The following ENPP1 variants were observed in gnomAD, a reference collection of about 807,000 sequenced individuals.
ENPP1 encodes ectonucleotide pyrophosphatase/phosphodiesterase 1.
ENPP1 carries 73 observed loss-of-function variants against 122.8 expected under a neutral mutation model. The ratio of observed to expected loss-of-function variants is 0.59; its 90% confidence interval spans 0.49 to 0.72. ENPP1 has a LOEUF of 0.72. Among genes scored for constraint, ENPP1 ranks in the 30% least tolerant of loss-of-function variants. ENPP1 has a pLI of 0.00. For synonymous variants in ENPP1, 367 were observed against 391.6 expected, an observed-to-expected ratio of 0.94 and a Z score of 0.74; for missense variants, 978 against 1,128.1, an observed-to-expected ratio of 0.87 and a Z score of 1.91.
At chr6:131,808,480 A>G (rs1781309965) in intron 1 of ENPP1, among the ~76,000 whole-genome samples, 1 of 152,164 alleles carries the variant, frequency 6.6e-6, no homozygotes, top group Non-Finnish European at 1.5e-5. Flanking sequence ...CCAGGGCAGG[A>G]TGGTTCACTC....
chr6:131,870,655 AT>A (rs1458358313), intron 13 of ENPP1, among the ~76,000 whole-genome samples: 1 of 152,232 alleles, frequency 6.6e-6, no homozygotes, highest in Admixed American at 6.5e-5. Flanking sequence ...CTGCAGGAAA[AT>A]GGTTATGCAG....
At chr6:131,845,741 GTTTTTGATAGATATT>G (rs1194164669) in intron 1 of ENPP1, among the ~76,000 whole-genome samples, 2 of 152,066 alleles carry the variant, frequency 1.3e-5, no homozygotes, top group East Asian at 3.9e-4. Flanking sequence ...CGTTTGTGAT[GTTTTTGATAGATATT>G]TTTAGAGATT....
At chr6:131,834,881 G>C (rs769786728) in intron 1 of ENPP1, among the ~76,000 whole-genome samples, 2 of 152,132 alleles carry the variant, frequency 1.3e-5, no homozygotes, top group Non-Finnish European at 2.9e-5. Context: ...TTTAAGAGAA[G>C]AGGGTACAGG....
intron 1 of ENPP1, among the ~76,000 whole-genome samples, chr6:131,842,633 C>G (rs1344720952): frequency 1.3e-5 from 2 of 152,120 alleles, no homozygotes. Context: ...CTTTTCTGCT[C>G]TCCACTGTGT....
At chr6:131,825,059 C>CAAA (rs371592579) in intron 1 of ENPP1, among the ~76,000 whole-genome samples, 3 of 143,000 alleles carry the variant, frequency 2.1e-5, no homozygotes, top group South Asian at 2.2e-4. Flanking sequence ...GACTGTGTCT[C>CAAA]AAAAAAAAAA....
At chr6:131,872,034 A>C (rs1414957379) in intron 13 of ENPP1, 36 bp from the exon 14 acceptor site, 1 of 1,460,974 alleles carries the variant, frequency 6.8e-7, no homozygotes, top group South Asian at 1.1e-5. Context: ...TATAGTATAC[A>C]ATCAACTATT....
intron 24 of ENPP1, among the ~76,000 whole-genome samples, chr6:131,887,385 ATTTTAGCAATTTT>A (rs2114732563): frequency 6.7e-6 from 1 of 148,282 alleles, no homozygotes; most frequent in Admixed American, 6.7e-5. Context: ...ACTGCATAAC[ATTTTAGCAATTTT>A]TTTTTTTTTT....
In ENPP1 at chr6:131,878,579, T is replaced by G. The variant is rs761675272; in HGVS notation, c.1931T>G (p.Leu644Arg). ...PIEDFQTQFN[L>R]TVAEEKIIKH... is the part of the protein sequence containing the mutation. ...GAGGATTTTCAAACACAGTTCAATC[T>G]GACTGTGGCAGAAGGTAAGGCATGC... is the stretch of plus-strand genomic sequence containing the variant. Residue 644 changes from leucine (L) to arginine (R), a missense_variant, in exon 19 of 25, where the codon CTG (leucine) becomes CGG (arginine). By Grantham distance (102) the Leu-to-Arg change is moderately radical. Transcript: ENST00000647893. 3 of 1,612,930 alleles carry G rather than the reference T, an allele frequency of 1.9e-6. No homozygotes were observed. The highest frequency in any genetic ancestry group is 2.2e-5 in the South Asian group (2 of 91,038).
intron 1 of ENPP1, among the ~76,000 whole-genome samples, chr6:131,816,306 C>T (rs187711079): frequency 6.6e-4 from 101 of 152,096 alleles, no homozygotes; most frequent in South Asian, 5.6e-3. Context: ...ATTTGGAATA[C>T]AACTTGTAAT....
intron 1 of ENPP1, among the ~76,000 whole-genome samples, chr6:131,821,700 T>A (rs1184415251): frequency 2.6e-5 from 4 of 152,230 alleles, no homozygotes; most frequent in Non-Finnish European, 4.4e-5. Flanking sequence ...AACATTCAGA[T>A]GTTTTTCCAA....
chr6:131,822,904 A>G (rs1366870372), intron 1 of ENPP1, among the ~76,000 whole-genome samples: 1 of 152,182 alleles, frequency 6.6e-6, no homozygotes, highest in Non-Finnish European at 1.5e-5. Context: ...TTTTTCTAAA[A>G]TAATAGCTTC....
At chr6:131,882,312 T>C in intron 20 of ENPP1, 33 bp from the exon 21 acceptor site, 1 of 1,562,058 alleles carries the variant, frequency 6.4e-7, no homozygotes, top group Non-Finnish European at 8.7e-7. Context: ...CTGTGCCTGA[T>C]ATCTGAGAGT....
intron 1 of ENPP1, among the ~76,000 whole-genome samples, chr6:131,811,260 T>G (rs541464058): frequency 2.6e-5 from 4 of 152,300 alleles, no homozygotes; most frequent in Non-Finnish European, 4.4e-5. Flanking sequence ...TGAATACATA[T>G]ATCTGTGTAT....
intron 1 of ENPP1, 43 bp from the exon 2 acceptor site, chr6:131,847,733 T>C (rs1353346125): frequency 7.3e-7 from 1 of 1,363,636 alleles, no homozygotes; most frequent in African/African-American, 1.4e-5. Flanking sequence ...ATAAAATATT[T>C]TTTAAAAAAG....
At position 131,811,426 on chromosome 6, in the gene ENPP1, A is replaced by G. The variant is rs143292652; in HGVS notation, c.240+3151A>G. ...TATATCTATATCTATATCTATATCTATATCTATATATATGTAGAGAGTCCG... is the reference window on the plus strand; with the variant it reads ...TATATCTATATCTATATCTATATCTGTATCTATATATATGTAGAGAGTCCG... On this transcript the variant is annotated intron_variant, in intron 1 of 24. Coordinates refer to ENST00000647893, the MANE Select transcript of ENPP1 (RefSeq NM_006208.3). Among the ~76,000 whole-genome samples the G allele has an allele frequency of 5.8e-3, 873 of 149,700 alleles. 9 individuals are homozygous for G. The highest frequency in any genetic ancestry group is 0.021 in the African/African-American group (822 of 39,528).
chr6:131,812,774 T>C (rs948240823), intron 1 of ENPP1, among the ~76,000 whole-genome samples: 1 of 152,168 alleles, frequency 6.6e-6, no homozygotes, highest in African/African-American at 2.4e-5. Flanking sequence ...ATGAAAGGTA[T>C]ACATTGATTC....
intron 24 of ENPP1, 113 bp from the exon 25 acceptor site, chr6:131,890,228 T>A: frequency 1.2e-6 from 1 of 852,756 alleles, no homozygotes; most frequent in South Asian, 1.4e-5. Flanking sequence ...TGTGGCACGT[T>A]CCACTTCAGA....
intron 1 of ENPP1, among the ~76,000 whole-genome samples, chr6:131,824,823 G>A (rs1023117576): frequency 6.6e-6 from 1 of 152,118 alleles, no homozygotes; most frequent in African/African-American, 2.4e-5. Flanking sequence ...CACTTTGGGA[G>A]GCTGAGGCCG....
At chr6:131,846,083 C>G (rs1781807188) in intron 1 of ENPP1, among the ~76,000 whole-genome samples, 1 of 152,190 alleles carries the variant, frequency 6.6e-6, no homozygotes, top group South Asian at 2.1e-4. Context: ...TTTGCAGTCA[C>G]TTGACAGTAG....
Sources: allele counts gnomAD v4.1 joint callset (sites outside exome capture counted in the v4.1 genomes callset), GRCh38; gene constraint gnomAD v4.1.1; transcripts MANE v1.5; gene names NCBI Gene and HGNC (gene_info 2026-07-23, HGNC 2026-07-21).